Variants in ZHX2 observed in about 807,000 individuals in gnomAD.
ZHX2 encodes zinc fingers and homeoboxes 2.
ZHX2 carries 6 observed loss-of-function variants against 21.9 expected under a neutral mutation model. The observed-to-expected ratio is 0.27, with a 90% CI of 0.15 to 0.54. The LOEUF is 0.54. ZHX2 is among the 20% of genes least tolerant of loss of function. The pLI, the probability that ZHX2 is intolerant of heterozygous loss-of-function variation, is 0.95. For synonymous variants in ZHX2, 434 were observed against 437.1 expected, an observed-to-expected ratio of 0.99 and a Z score of 0.09; for missense variants, 908 against 1,090.7, an observed-to-expected ratio of 0.83 and a Z score of 2.36.
intron 2 of ZHX2, among the ~76,000 whole-genome samples, chr8:122,883,996 T>C (rs1423000277): frequency 2.0e-5 from 3 of 152,216 alleles, no homozygotes; most frequent in African/African-American, 7.2e-5. Flanking sequence ...GTGAACCTCA[T>C]AGAGTGAACT....
At chr8:122,865,308 T>G (rs1829442169) in intron 2 of ZHX2, among the ~76,000 whole-genome samples, 1 of 152,044 alleles carries the variant, frequency 6.6e-6, no homozygotes, top group Non-Finnish European at 1.5e-5. Context: ...TTTTGTATTT[T>G]TAGTAGAGAT....
At chr8:122,820,438 C>T (rs762577043) in intron 1 of ZHX2, among the ~76,000 whole-genome samples, 5 of 152,338 alleles carry the variant, frequency 3.3e-5, no homozygotes, top group South Asian at 2.1e-4. Context: ...TGAGGGTGAA[C>T]GCCGCCGAAT....
intron 2 of ZHX2, among the ~76,000 whole-genome samples, chr8:122,928,249 G>A (rs1272735681): frequency 6.6e-6 from 1 of 152,202 alleles, no homozygotes; most frequent in African/African-American, 2.4e-5. Context: ...GAGTGGATAA[G>A]AACCCGACAA....
chr8:122,931,404 AAGAG>A (rs374050977), intron 2 of ZHX2, among the ~76,000 whole-genome samples: 1 of 151,544 alleles, frequency 6.6e-6, no homozygotes, highest in Admixed American at 6.6e-5. Flanking sequence ...GGACGGAAAG[AAGAG>A]AGAGAGAGAG....
intron 2 of ZHX2, among the ~76,000 whole-genome samples, chr8:122,926,250 G>T (rs969576059): frequency 6.6e-6 from 1 of 152,182 alleles, no homozygotes; most frequent in South Asian, 2.1e-4. Context: ...GTATTTAAAA[G>T]CTCCTCTGTT....
intron 2 of ZHX2, among the ~76,000 whole-genome samples, chr8:122,950,673 C>T (rs941888149): frequency 2.6e-5 from 4 of 151,810 alleles, no homozygotes; most frequent in Non-Finnish European, 2.9e-5. Context: ...ATATACCACA[C>T]GTGATGATTT....
chr8:122,870,092 C>T (rs975844036), intron 2 of ZHX2, among the ~76,000 whole-genome samples: 6 of 152,082 alleles, frequency 3.9e-5, no homozygotes, highest in African/African-American at 1.4e-4. Flanking sequence ...GGAGGGGAAA[C>T]CTGGGCAGAG....
intron 2 of ZHX2, among the ~76,000 whole-genome samples, chr8:122,877,174 A>G (rs1418281615): frequency 6.6e-6 from 1 of 152,164 alleles, no homozygotes; most frequent in Non-Finnish European, 1.5e-5. Flanking sequence ...CTGTGCCTCA[A>G]TTTTCTCATC....
intron 2 of ZHX2, among the ~76,000 whole-genome samples, chr8:122,916,573 T>C (rs566047488): frequency 6.6e-6 from 1 of 152,372 alleles, no homozygotes; most frequent in African/African-American, 2.4e-5. Context: ...TTTTGCTTTA[T>C]GTGTATGTGT....
In ZHX2 at chr8:122,850,733, A is replaced by G. The variant is rs1191664082; in HGVS notation, c.-282-12744A>G. 2.7e-5 allele frequency among the ~76,000 whole-genome samples: 4 copies of G among 150,908 alleles called. No homozygotes were observed. The East Asian group carries it at 7.8e-4, about 29-fold the overall frequency. ...TCTCACCTTCATCTCTTGCCCCCCA[A>G]CACCCCCTCATGTCCTGCACATACC... On this transcript the variant is annotated intron_variant, in intron 1 of 3. Coordinates refer to ENST00000314393, the MANE Select transcript of ZHX2 (RefSeq NM_014943.5).
At chr8:122,923,572 AT>A (rs1455904251) in intron 2 of ZHX2, among the ~76,000 whole-genome samples, 2 of 152,202 alleles carry the variant, frequency 1.3e-5, no homozygotes, top group Non-Finnish European at 2.9e-5. Context: ...CCATCTCTCA[AT>A]GAAAAAAGTG....
intron 1 of ZHX2, among the ~76,000 whole-genome samples, chr8:122,849,193 A>C (rs1216835069): frequency 6.6e-6 from 1 of 152,106 alleles, no homozygotes; most frequent in African/African-American, 2.4e-5. Context: ...ACTGCCATTC[A>C]CCAGCTCTGT....
chr8:122,918,577 CCAGGTCTTTGTGGCAACTA>C (rs1460128661), intron 2 of ZHX2, among the ~76,000 whole-genome samples: 1 of 152,186 alleles, frequency 6.6e-6, no homozygotes, highest in African/African-American at 2.4e-5. Context: ...GCTGTGCAGG[CCAGGTCTTTGTGGCAACTA>C]CTTAATTCTG....
intron 2 of ZHX2, among the ~76,000 whole-genome samples, chr8:122,916,946 T>A (rs1191659375): frequency 6.6e-6 from 1 of 151,894 alleles, no homozygotes; most frequent in Non-Finnish European, 1.5e-5. Context: ...CTCATGCATT[T>A]CTCCTGATTT....
In ZHX2 at chr8:122,953,848, C is replaced by A; in HGVS notation, c.2338C>A (p.Gln780Lys). The A allele has an allele frequency of 3.7e-6, 6 of 1,614,210 alleles. No homozygotes were observed. The highest frequency in any genetic ancestry group is 5.1e-6 in the Non-Finnish European group (6 of 1,180,028). The change falls in exon 3 of 4, where the codon CAG becomes AAG. Residue 780 changes from glutamine to lysine, a missense_variant. By Grantham distance (53) the Gln-to-Lys change is moderately conservative. This residue lies in a region of ZHX2 where 431 missense variants were observed against 428.6 expected (regional missense o/e 1.01). Transcript: ENST00000314393. The surrounding 1 kb of genome is among the most constrained non-coding windows in gnomAD (Gnocchi z 4.6). ...GTCAGAGGGCAGCAGCCGGGACGGCCAGGGTAGCGACGAGAACGAGGAGTC... is the reference window on the plus strand; with the variant it reads ...GTCAGAGGGCAGCAGCCGGGACGGCAAGGGTAGCGACGAGAACGAGGAGTC... ...DRSEGSSRDG[Q>K]GSDENEESSV...
At chr8:122,938,335 G>A (rs969965859) in intron 2 of ZHX2, among the ~76,000 whole-genome samples, 3 of 152,092 alleles carry the variant, frequency 2.0e-5, no homozygotes, top group Non-Finnish European at 4.4e-5. Flanking sequence ...AGTCCCTCCT[G>A]TCTTCTTGCC....
chr8:122,908,285 C>T (rs931257865), intron 2 of ZHX2, among the ~76,000 whole-genome samples: 3 of 152,150 alleles, frequency 2.0e-5, no homozygotes, highest in South Asian at 2.1e-4. Flanking sequence ...CTGCAACCTC[C>T]GCCTCCCGAG....
At chr8:122,793,263 A>G (rs1194080722) in intron 1 of ZHX2, among the ~76,000 whole-genome samples, 1 of 152,170 alleles carries the variant, frequency 6.6e-6, no homozygotes, top group Non-Finnish European at 1.5e-5. Context: ...AGGGACAGCT[A>G]TGAAAGGAGA....
chr8:122,862,182 C>A (rs1194365265), intron 1 of ZHX2, among the ~76,000 whole-genome samples: 58 of 152,178 alleles, frequency 3.8e-4, no homozygotes, highest in Admixed American at 3.8e-3. Context: ...CACCCACCAC[C>A]CGTGGCTAGG....
Sources: gnomAD v4.1 joint callset for allele counts (sites outside exome capture counted in the v4.1 genomes callset) on GRCh38, gnomAD v4.1.1 for gene constraint, gnomAD v4.1.1 regional missense constraint, Gnocchi (gnomAD v3.1) non-coding constraint, MANE v1.5 for transcripts, NCBI Gene and HGNC (gene_info 2026-07-23, HGNC 2026-07-21) for gene names.